The following CSMD1 variants were observed in gnomAD, a reference collection of about 807,000 sequenced individuals.
CSMD1 encodes CUB and sushi domain-containing protein 1.
Under a neutral mutation model 417.5 loss-of-function variants are expected in CSMD1, and 213 were observed. The observed-to-expected ratio is 0.51, with a 90% CI of 0.46 to 0.57. CSMD1 has a LOEUF of 0.57. Ranked by LOEUF, CSMD1 falls within the 20% of genes least tolerant of loss-of-function variation. The pLI, the probability that CSMD1 is intolerant of heterozygous loss-of-function variation, is 0.00. For synonymous variants in CSMD1, 2,862 were observed against 1,736.8 expected, an observed-to-expected ratio of 1.65 and a Z score of -16.11; for missense variants, 6,923 against 4,529.7, an observed-to-expected ratio of 1.53 and a Z score of -15.17.
At chr8:3,510,935 G>C (rs942814071) in intron 10 of CSMD1, among the ~76,000 whole-genome samples, 1 of 151,746 alleles carries the variant, frequency 6.6e-6, no homozygotes, top group Non-Finnish European at 1.5e-5. Context: ...GCACACGTAT[G>C]TTTACTGCAG....
intron 3 of CSMD1, among the ~76,000 whole-genome samples, chr8:4,082,586 A>G (rs1030705433): frequency 1.3e-5 from 2 of 150,842 alleles, no homozygotes; most frequent in Non-Finnish European, 3.0e-5. Flanking sequence ...AGCCTAGAAG[A>G]AAAAAACCTT....
intron 3 of CSMD1, among the ~76,000 whole-genome samples, chr8:4,045,574 C>G (rs902456293): frequency 6.6e-6 from 1 of 152,128 alleles, no homozygotes; most frequent in Non-Finnish European, 1.5e-5. Flanking sequence ...ATGTGCAATG[C>G]TTTAGAATGA....
intron 12 of CSMD1, among the ~76,000 whole-genome samples, chr8:3,445,656 G>T (rs1175429589): frequency 6.6e-6 from 1 of 152,094 alleles, no homozygotes; most frequent in Admixed American, 6.6e-5. Flanking sequence ...AATAACCAAG[G>T]TAGAAATACG....
At chr8:4,642,979 A>T (rs1298097472) in intron 1 of CSMD1, among the ~76,000 whole-genome samples, 1 of 152,232 alleles carries the variant, frequency 6.6e-6, no homozygotes, top group South Asian at 2.1e-4. Flanking sequence ...AATGATGGAC[A>T]GGACTGCAGA....
intron 3 of CSMD1, among the ~76,000 whole-genome samples, chr8:4,061,384 A>G (rs1427316912): frequency 2.0e-5 from 3 of 152,236 alleles, no homozygotes; most frequent in Non-Finnish European, 4.4e-5. Context: ...AAATGAAGTA[A>G]GTGCACAACA....
intron 5 of CSMD1, among the ~76,000 whole-genome samples, chr8:3,786,399 C>T (rs28490480): frequency 0.22 from 33,611 of 151,854 alleles, 4,404 homozygotes; most frequent in Non-Finnish European, 0.3. Context: ...AGAAGAGGAT[C>T]GAACAAGAGT....
intron 5 of CSMD1, among the ~76,000 whole-genome samples, chr8:3,968,645 C>G (rs1437141274): frequency 6.6e-6 from 1 of 152,166 alleles, no homozygotes; most frequent in Non-Finnish European, 1.5e-5. Flanking sequence ...GTCTGAGGCT[C>G]TACTGTCCTA....
At chr8:4,852,694 A>G (rs1384334642) in intron 1 of CSMD1, among the ~76,000 whole-genome samples, 2 of 152,158 alleles carry the variant, frequency 1.3e-5, no homozygotes, top group Non-Finnish European at 2.9e-5. Flanking sequence ...AGACGACAGG[A>G]AGATGAGGGA....
intron 5 of CSMD1, among the ~76,000 whole-genome samples, chr8:3,954,932 A>C (rs986513665): frequency 6.6e-6 from 1 of 152,166 alleles, no homozygotes; most frequent in Non-Finnish European, 1.5e-5. Flanking sequence ...TTTAACACTT[A>C]TGCACAGAAA....
intron 3 of CSMD1, among the ~76,000 whole-genome samples, chr8:4,037,109 T>C (rs528673528): frequency 2.6e-5 from 4 of 152,344 alleles, no homozygotes; most frequent in African/African-American, 9.6e-5. Context: ...GGATAAATTA[T>C]TTTACTTGTT....
chr8:4,305,491 G>A (rs1049924333), intron 3 of CSMD1, among the ~76,000 whole-genome samples: 1 of 152,210 alleles, frequency 6.6e-6, no homozygotes, highest in Non-Finnish European at 1.5e-5. Context: ...TGCTTTTACA[G>A]GCACTGCTTT....
At chr8:4,407,471 A>G (rs1226320523) in intron 3 of CSMD1, among the ~76,000 whole-genome samples, 1 of 152,200 alleles carries the variant, frequency 6.6e-6, no homozygotes, top group African/African-American at 2.4e-5. Context: ...GTAAAACGTA[A>G]TTTTGTATAT....
chr8:3,597,103 C>G (rs1801131009), intron 8 of CSMD1, among the ~76,000 whole-genome samples: 1 of 152,210 alleles, frequency 6.6e-6, no homozygotes, highest in African/African-American at 2.4e-5. Context: ...TGCACTGAGC[C>G]TGCTGAGGCT....
At chr8:4,930,132 C>T (rs535932253) in intron 1 of CSMD1, among the ~76,000 whole-genome samples, 13 of 152,280 alleles carry the variant, frequency 8.5e-5, no homozygotes, top group South Asian at 4.1e-4. Flanking sequence ...ACATCAATTG[C>T]GTTGATTGGT....
chr8:4,645,466 A>AAAAAAAC (rs1803460975), intron 1 of CSMD1, among the ~76,000 whole-genome samples: 1 of 150,346 alleles, frequency 6.7e-6, no homozygotes, highest in African/African-American at 2.4e-5. Flanking sequence ...AAAAAAAAAA[A>AAAAAAAC]AGGCAAGCAA....
At chr8:4,924,664 G>C (rs747679313) in intron 1 of CSMD1, among the ~76,000 whole-genome samples, 10 of 132,062 alleles carry the variant, frequency 7.6e-5, no homozygotes, top group Non-Finnish European at 7.8e-5. Flanking sequence ...GGAGGTTGCA[G>C]TGAGCCGAGA....
chr8:4,781,157 G>C (rs971261376), intron 1 of CSMD1, among the ~76,000 whole-genome samples: 2 of 152,184 alleles, frequency 1.3e-5, no homozygotes, highest in Non-Finnish European at 2.9e-5. Context: ...CATAGTGGCT[G>C]TGCTTTGTGC....
chr8:4,479,478 AAG>A (rs1360985302), intron 2 of CSMD1, among the ~76,000 whole-genome samples: 1 of 152,216 alleles, frequency 6.6e-6, no homozygotes, highest in Admixed American at 6.5e-5. Context: ...CAAAATAACA[AAG>A]ACCTTAATGG....
intron 3 of CSMD1, among the ~76,000 whole-genome samples, chr8:4,153,178 G>C (rs1796660201): frequency 6.6e-6 from 1 of 152,178 alleles, no homozygotes; most frequent in Non-Finnish European, 1.5e-5. Context: ...AATAAGATAA[G>C]CAGAGCCCAG....
Sources: allele counts gnomAD v4.1 joint callset (sites outside exome capture counted in the v4.1 genomes callset), GRCh38; gene constraint gnomAD v4.1.1; transcripts MANE v1.5; gene names NCBI Gene and HGNC (gene_info 2026-07-23, HGNC 2026-07-21).